Variants in STXBP4 observed in about 807,000 individuals in gnomAD.
The protein encoded by STXBP4 is syntaxin-binding protein 4.
A neutral mutation model predicts 76.1 loss-of-function variants in STXBP4; 55 were observed. The ratio of observed to expected loss-of-function variants is 0.72; its 90% confidence interval spans 0.58 to 0.91. The LOEUF is 0.91. Among genes scored for constraint, STXBP4 ranks in the 40% least tolerant of loss-of-function variants. The probability of loss-of-function intolerance (pLI) is 0.00; values close to 1 mark genes in which losing one functional copy is unlikely to be tolerated. For missense variants in STXBP4, 618 were observed against 636.9 expected, an observed-to-expected ratio of 0.97 and a Z score of 0.32; for synonymous variants, 201 against 220.2, an observed-to-expected ratio of 0.91 and a Z score of 0.77.
chr17:55,081,906 A>T (rs191167686), intron 16 of STXBP4, among the ~76,000 whole-genome samples: 4 of 152,290 alleles, frequency 2.6e-5, no homozygotes, highest in Admixed American at 6.5e-5. Context: ...GGGAAAACTT[A>T]AATGATTGGA....
chr17:55,011,786 G>T (rs1299568724), intron 8 of STXBP4, among the ~76,000 whole-genome samples: 1 of 152,108 alleles, frequency 6.6e-6, no homozygotes, highest in Non-Finnish European at 1.5e-5. Context: ...CAGCTTCCCA[G>T]CTAGGCTTAG....
At chr17:55,062,278 C>G (rs1655173739) in intron 12 of STXBP4, among the ~76,000 whole-genome samples, 1 of 152,024 alleles carries the variant, frequency 6.6e-6, no homozygotes, top group African/African-American at 2.4e-5. Context: ...TGTGATGATC[C>G]CCTTTCTGTG....
At position 55,120,925 on chromosome 17, in the gene STXBP4, A is replaced by C. The variant is rs532189739; in HGVS notation, c.1490-20385A>C. On this transcript the variant is annotated intron_variant, in intron 16 of 17. Coordinates refer to ENST00000376352, the MANE Select transcript of STXBP4 (RefSeq NM_178509.6). ...CTATGTTCTAGCCCTTGCACACAGA[A>C]GTGGTGCCATTTTCAACACATGATG... 2.0e-5 allele frequency among the ~76,000 whole-genome samples: 3 copies of C among 152,268 alleles called. No individual in the cohort carries two copies. In the South Asian group the frequency reaches 6.2e-4, roughly 32 times the overall value.
At chr17:55,017,982 C>T (rs867949038) in intron 8 of STXBP4, among the ~76,000 whole-genome samples, 3 of 152,144 alleles carry the variant, frequency 2.0e-5, no homozygotes, top group Non-Finnish European at 2.9e-5. Flanking sequence ...GAGGTCCCTT[C>T]GTGGTCGCCA....
chr17:55,086,166 A>G (rs1393542268), intron 16 of STXBP4, among the ~76,000 whole-genome samples: 1 of 152,220 alleles, frequency 6.6e-6, no homozygotes, highest in African/African-American at 2.4e-5. Context: ...AAAAAATTTC[A>G]TCAGCACTTT....
At chr17:55,103,688 A>T (rs555629512) in intron 16 of STXBP4, among the ~76,000 whole-genome samples, 3 of 151,788 alleles carry the variant, frequency 2.0e-5, no homozygotes, top group Non-Finnish European at 2.9e-5. Flanking sequence ...TGGTAGCTTG[A>T]TGGGGATAGC....
At chr17:55,156,436 A>G (rs532327377) in intron 17 of STXBP4, among the ~76,000 whole-genome samples, 118 of 152,318 alleles carry the variant, frequency 7.7e-4, no homozygotes, top group Non-Finnish European at 8.8e-4. Context: ...ATACACACAA[A>G]TGGCCCCCTT....
chr17:55,049,822 GCC>G (rs2078836156), intron 12 of STXBP4, among the ~76,000 whole-genome samples: 1 of 151,880 alleles, frequency 6.6e-6, no homozygotes, highest in Non-Finnish European at 1.5e-5. Context: ...AAGATAGAAA[GCC>G]TAAAAGGCCA....
At chr17:55,207,645 G>T in the STXBP4 span, among the ~76,000 whole-genome samples, 1 of 152,120 alleles carries the variant, frequency 6.6e-6, no homozygotes, top group Non-Finnish European at 1.5e-5. Context: ...AATCCTATGG[G>T]GTGTATTTTG....
At chr17:55,041,929 T>C (rs1326960489) in intron 10 of STXBP4, among the ~76,000 whole-genome samples, 1 of 152,180 alleles carries the variant, frequency 6.6e-6, no homozygotes, top group Non-Finnish European at 1.5e-5. Context: ...TAAAATGTGT[T>C]CAAAATTAAC....
At chr17:55,082,600 A>G (rs530863165) in intron 16 of STXBP4, among the ~76,000 whole-genome samples, 1 of 152,114 alleles carries the variant, frequency 6.6e-6, no homozygotes, top group Non-Finnish European at 1.5e-5. Context: ...GATGTTTAGC[A>G]TTCCTAGTAC....
At position 55,166,059 on chromosome 17, in the gene STXBP4, T is replaced by G. The variant is rs1001111146; in HGVS notation, c.*6148T>G. The G allele has an allele frequency of 2.0e-5, 3 of 152,250 alleles. No individual in the cohort carries two copies. Among genetic ancestry groups the G allele is most frequent in the African/African-American group, 7.2e-5 (3 of 41,464 alleles). 9.4% of individuals were successfully genotyped at this position (152,250 alleles called of 1,614,324 possible). ...CCAAGGAAAGGAAAGAACTGCAAGT[T>G]GCCTGAGATTAATGTTGCTCAGGAT... is the stretch of plus-strand genomic sequence containing the variant. On this transcript the variant is annotated 3_prime_UTR_variant, in exon 18 of 18. Coordinates refer to ENST00000376352, the MANE Select transcript of STXBP4 (RefSeq NM_178509.6).
chr17:55,012,423 T>C (rs1480230633), intron 8 of STXBP4, among the ~76,000 whole-genome samples: 1 of 152,170 alleles, frequency 6.6e-6, no homozygotes, highest in Non-Finnish European at 1.5e-5. Flanking sequence ...AATATCTGCT[T>C]GGCAGTTCCC....
At chr17:55,018,747 A>G (rs2078253441) in intron 8 of STXBP4, among the ~76,000 whole-genome samples, 1 of 152,146 alleles carries the variant, frequency 6.6e-6, no homozygotes, top group Admixed American at 6.5e-5. Context: ...ATTCTCAAGG[A>G]TGGGGAGAAT....
At chr17:55,012,460 G>C (rs1286779081) in intron 8 of STXBP4, among the ~76,000 whole-genome samples, 1 of 151,934 alleles carries the variant, frequency 6.6e-6, no homozygotes, top group Non-Finnish European at 1.5e-5. Context: ...TTTCCTTTCT[G>C]ATGACCCCAG....
chr17:55,131,968 C>A (rs1313405793), intron 16 of STXBP4, among the ~76,000 whole-genome samples: 2 of 151,976 alleles, frequency 1.3e-5, no homozygotes, highest in Non-Finnish European at 2.9e-5. Context: ...AGTGATCTAC[C>A]TGCCTCAACT....
At chr17:55,051,539 G>T (rs976425370) in intron 12 of STXBP4, among the ~76,000 whole-genome samples, 3 of 152,112 alleles carry the variant, frequency 2.0e-5, no homozygotes, top group African/African-American at 7.2e-5. Context: ...TGTGTTCATT[G>T]TTGTTGAGAA....
At chr17:55,208,304 CTG>C in the STXBP4 span, among the ~76,000 whole-genome samples, 1 of 152,028 alleles carries the variant, frequency 6.6e-6, no homozygotes, top group Non-Finnish European at 1.5e-5. Flanking sequence ...TGACTACAGA[CTG>C]TGAACTGCTT....
At chr17:55,042,315 T>C (rs2078714354) in intron 10 of STXBP4, among the ~76,000 whole-genome samples, 1 of 152,150 alleles carries the variant, frequency 6.6e-6, no homozygotes, top group Non-Finnish European at 1.5e-5. Context: ...TCTTCATCTG[T>C]AAAATGGAGA....
Sources: gnomAD v4.1 joint callset for allele counts (sites outside exome capture counted in the v4.1 genomes callset) on GRCh38, gnomAD v4.1.1 for gene constraint, MANE v1.5 for transcripts, NCBI Gene and HGNC (gene_info 2026-07-23, HGNC 2026-07-21) for gene names.